Variants in CRISP3 observed in about 807,000 individuals in gnomAD.
CRISP3 encodes cysteine rich secretory protein 3.
CRISP3 carries 33 observed loss-of-function variants against 36.1 expected under a neutral mutation model. The ratio of observed to expected loss-of-function variants is 0.91; its 90% CI spans 0.69 to 1.22. The LOEUF is 1.22. Among genes scored for constraint, CRISP3 ranks in the 50% most tolerant of loss-of-function variants. The pLI is 0.00. For missense variants in CRISP3, 330 were observed against 301.2 expected (o/e 1.10, Z -0.71); for synonymous variants, 117 against 104.6 (o/e 1.12, Z -0.72).
chr6:49,742,910 A>T (rs1165330670), intron 1 of CRISP3, among the ~76,000 whole-genome samples: 1 of 152,232 alleles, frequency 6.6e-6, no homozygotes, highest in East Asian at 1.9e-4. Flanking sequence ...AAGCATTAAC[A>T]CATGTGAGTA....
rs746981995 is a variant in CRISP3, at chr6:49,733,709, A to G, written c.456T>C (p.Tyr152=). ...TTTCATTTCTTCTCCTTACCTGTGTATAATGTCCAACCACTGCGTTGGGAG... is the reference window on the plus strand; with the variant it reads ...TTTCATTTCTTCTCCTTACCTGTGTGTAATGTCCAACCACTGCGTTGGGAG... ...PKTPNAVVGH[Y]TQVVWYSSYL... The change falls in exon 5 of 8, where the codon TAT becomes TAC. Residue 152 remains tyrosine (Y), a synonymous_variant. Coordinates refer to ENST00000263045, the MANE Select transcript of CRISP3 (RefSeq NM_006061.4). The G allele has an allele frequency of 1.9e-6, 3 of 1,612,886 alleles. No homozygotes were observed. The highest frequency in any genetic ancestry group is 2.2e-5 in the East Asian group (1 of 44,832).
intron 3 of CRISP3, among the ~76,000 whole-genome samples, chr6:49,735,910 G>C (rs113243020): frequency 0.027 from 4,144 of 152,164 alleles, 197 homozygotes; most frequent in African/African-American, 0.094. Flanking sequence ...TGGAGGTGCT[G>C]AGATTGCTTT....
In CRISP3 at chr6:49,731,247, T is replaced by C; in HGVS notation, c.565A>G (p.Asn189Asp). Residue 189 changes from asparagine to aspartate, a missense_variant, in exon 7 of 8, where the codon AAT becomes GAT. Transcript: ENST00000263045. ...GGGACATATAGTCTATTAGCCCAAT[T>C]ACCACTGAAATTTGAAATAAAAATG... The part of the protein sequence containing the change: ...YYVCQYCPAG[N>D]WANRLYVPYE... 6.3e-7 allele frequency: 1 copy of C among 1,586,556 alleles called. No individual in the cohort carries two copies. Among genetic ancestry groups the C allele is most frequent in the South Asian group, 1.2e-5 (1 of 84,892 alleles).
At chr6:49,741,072 C>T (rs1209153889) in intron 1 of CRISP3, among the ~76,000 whole-genome samples, 1 of 146,746 alleles carries the variant, frequency 6.8e-6, no homozygotes, top group Non-Finnish European at 1.5e-5. Flanking sequence ...CTGCCCTGGG[C>T]GACAGAGCGA....
rs567399690 is a variant in CRISP3 at position 49,741,058 on chromosome 6, G to A, written c.37+3273C>T. Among the ~76,000 whole-genome samples the A allele has an allele frequency of 5.4e-5, 8 of 149,126 alleles. No homozygotes were observed. The South Asian group carries it at 1.3e-3, about 24-fold the overall frequency. ...AGAGCTTGCAGTGAGCCGAGATCGC[G>A]CCACTGCCCTGGGCGACAGAGCGAG... On this transcript the variant is annotated intron_variant, in intron 1 of 7. Transcript: ENST00000263045.
chr6:49,733,286 A>G lies in CRISP3; in HGVS notation c.469T>C (p.Trp157Arg), dbSNP rs753541550. Residue 157 changes from tryptophan to arginine, a missense_variant, in exon 6 of 8, where the codon TGG (tryptophan) becomes CGG (arginine). Physicochemically the swap from Trp to Arg is moderately radical, Grantham distance 101 (BLOSUM62 -3). Coordinates refer to ENST00000263045, the MANE Select transcript of CRISP3 (RefSeq NM_006061.4). ...AVVGHYTQVV[W>R]YSSYLVGCGN... ...CATCCAACGAGGTATGAAGAGTACC[A>G]AACAACCTATAAACCAATAAGTGAA... The G allele has an allele frequency of 4.4e-6, 7 of 1,603,334 alleles. No homozygotes were observed. In the African/African-American group the frequency reaches 9.4e-5, roughly 22 times the overall value.
At chr6:49,742,374 G>A (rs761314630) in intron 1 of CRISP3, among the ~76,000 whole-genome samples, 15 of 152,148 alleles carry the variant, frequency 9.9e-5, no homozygotes, top group Non-Finnish European at 2.1e-4. Context: ...GCTCATGCCT[G>A]TAATCCTAGC....
chr6:49,730,764 G>T (rs1465388120), intron 7 of CRISP3, among the ~76,000 whole-genome samples: 1 of 152,172 alleles, frequency 6.6e-6, no homozygotes, highest in Non-Finnish European at 1.5e-5. Context: ...TGTAAGGCTG[G>T]GTGTGATGGC....
chr6:49,737,391 T>C lies in CRISP3; in HGVS notation c.45A>G (p.Thr15=), dbSNP rs1298082577. 1 of 1,614,002 alleles carries C rather than the reference T, an allele frequency of 6.2e-7. No individual in the cohort carries two copies. Among genetic ancestry groups the C allele is most frequent in the Non-Finnish European group, 8.5e-7 (1 of 1,179,936 alleles). Reference sequence around the variant, plus strand: ...CCAGGAACAACAGCACTGGGAATAATGTCATTGCTGGGAAAACAAAACCGG... The same window carrying C: ...CCAGGAACAACAGCACTGGGAATAACGTCATTGCTGGGAAAACAAAACCGG... ...LHPALETTAM[T]LFPVLLFLVA... is the part of the protein sequence containing the mutation. Residue 15 remains threonine (T), a synonymous_variant, in exon 2 of 8, where the codon ACA becomes ACG. Transcript: ENST00000263045.
At chr6:49,737,853 CT>C (rs1431259810) in intron 1 of CRISP3, among the ~76,000 whole-genome samples, 1 of 152,174 alleles carries the variant, frequency 6.6e-6, no homozygotes, top group East Asian at 1.9e-4. Context: ...ATTAACATTT[CT>C]TCAAATTAAA....
At chr6:49,738,530 C>T (rs571906501) in intron 1 of CRISP3, among the ~76,000 whole-genome samples, 1 of 152,274 alleles carries the variant, frequency 6.6e-6, no homozygotes, top group Admixed American at 6.5e-5. Context: ...CCTACAAAAG[C>T]TCTTCCTTCT....
At position 49,733,860 on chromosome 6, in the gene CRISP3, C is replaced by T. The variant is rs367914160; in HGVS notation, c.317-12G>A. 5.0e-6 allele frequency: 8 copies of T among 1,611,716 alleles called. No individual in the cohort carries two copies. In the African/African-American group the frequency reaches 1.1e-4, roughly 22 times the overall value. On this transcript the variant is annotated splice_polypyrimidine_tract_variant and intron_variant, in intron 4 of 7. Coordinates refer to ENST00000263045, the MANE Select transcript of CRISP3 (RefSeq NM_006061.4). Reference sequence around the variant, plus strand: ...ACCACATTTTAGACCTAAGAAGGAACAGACCACTCATGAGGAAAGCAATAA... The same window carrying T: ...ACCACATTTTAGACCTAAGAAGGAATAGACCACTCATGAGGAAAGCAATAA...
In CRISP3 at chr6:49,728,545, C is replaced by G; in HGVS notation, c.*185G>C. The G allele has an allele frequency of 2.4e-6, 1 of 425,214 alleles. No individual in the cohort carries two copies. The highest frequency in any genetic ancestry group is 3.9e-6 in the Non-Finnish European group (1 of 256,442). 26.3% of individuals were successfully genotyped at this position (425,214 alleles called of 1,614,324 possible). ...GTTATAGATTTTGTTTCTTTTTAAC[C>G]ATTTGTATGAAAAATATTTTTGTAA... On this transcript the variant is annotated 3_prime_UTR_variant, in exon 8 of 8. Coordinates refer to ENST00000263045, the MANE Select transcript of CRISP3 (RefSeq NM_006061.4).
chr6:49,740,958 G>A (rs1452495555), intron 1 of CRISP3, among the ~76,000 whole-genome samples: 1 of 151,662 alleles, frequency 6.6e-6, no homozygotes, highest in Admixed American at 6.6e-5. Flanking sequence ...AAAATTAGCC[G>A]GGCATGGTGG....
intron 1 of CRISP3, among the ~76,000 whole-genome samples, chr6:49,740,010 AC>A (rs1769158185): frequency 6.6e-6 from 1 of 152,194 alleles, no homozygotes; most frequent in African/African-American, 2.4e-5. Flanking sequence ...TTAGAGAAAA[AC>A]CAAGTCCCTG....
intron 1 of CRISP3, among the ~76,000 whole-genome samples, chr6:49,741,740 T>C (rs1332781325): frequency 1.3e-5 from 2 of 148,462 alleles, no homozygotes; most frequent in Non-Finnish European, 3.0e-5. Context: ...TCATTTAATA[T>C]TGGGAACAAG....
intron 2 of CRISP3, 94 bp from the exon 3 acceptor site, chr6:49,736,601 T>A (rs1260661717): frequency 4.4e-6 from 4 of 909,002 alleles, no homozygotes; most frequent in Non-Finnish European, 7.3e-6. Flanking sequence ...AGACCATTTT[T>A]AAAAAGTGTT....
At chr6:49,735,472 T>A (rs1769024701) in intron 4 of CRISP3, 32 bp downstream of exon 4, 3 of 1,468,592 alleles carry the variant, frequency 2.0e-6, no homozygotes, top group African/African-American at 1.4e-5. Context: ...TACTTGTTGA[T>A]TTATTCAACA....
intron 5 of CRISP3, 149 bp downstream of exon 5, chr6:49,733,554 T>C (rs1270999536): frequency 3.8e-6 from 3 of 783,004 alleles, no homozygotes; most frequent in Non-Finnish European, 5.9e-6. Context: ...AAAATGACAG[T>C]TCACAGCTGA....
Sources: allele counts gnomAD v4.1 joint callset (sites outside exome capture counted in the v4.1 genomes callset), GRCh38; gene constraint gnomAD v4.1.1; transcripts MANE v1.5; gene names NCBI Gene and HGNC (gene_info 2026-07-23, HGNC 2026-07-21).